KATNBL1: variants seen among roughly 807,000 people sequenced by gnomAD.
KATNBL1 encodes the protein katanin regulatory subunit B1 like 1.
Under a neutral mutation model 44.7 loss-of-function variants are expected in KATNBL1, and 28 were observed. The observed-to-expected ratio is 0.63, with a 90% CI of 0.46 to 0.86. KATNBL1 has a LOEUF of 0.86. Ranked by LOEUF, KATNBL1 falls within the 40% of genes least tolerant of loss-of-function variation. The pLI is 0.00. For missense variants in KATNBL1, 272 were observed against 350.7 expected (o/e 0.78, Z 1.79); for synonymous variants, 78 against 114.9 (o/e 0.68, Z 2.06).
At chr15:34,152,743 T>C (rs1286164199) in intron 4 of KATNBL1, 47 bp downstream of exon 4, 1 of 1,468,026 alleles carries the variant, frequency 6.8e-7, no homozygotes, top group Non-Finnish European at 9.3e-7. Flanking sequence ...ATCAAGATTA[T>C]AACAGGAACA....
rs1888130841 is a variant in KATNBL1, at chr15:34,140,701, C to G, written c.*1638G>C. The G allele has an allele frequency of 6.6e-6, 1 of 152,152 alleles. No individual in the cohort carries two copies. Among genetic ancestry groups the G allele is most frequent in the Non-Finnish European group, 1.5e-5 (1 of 67,988 alleles). The allele number at this position is 152,152 out of a possible 1,614,324, so 9.4% of individuals were successfully genotyped here. On this transcript the variant is annotated 3_prime_UTR_variant, in exon 10 of 10. Transcript: ENST00000256544. ...AGCACAAAGAAAGGTTATATTTTAT[C>G]ATGTTAAAAGTTTCACAGAGATAAC... is the stretch of plus-strand genomic sequence containing the variant.
intron 1 of KATNBL1, among the ~76,000 whole-genome samples, chr15:34,200,595 G>A (rs557458178): frequency 6.6e-6 from 1 of 152,060 alleles, no homozygotes; most frequent in South Asian, 2.1e-4. Flanking sequence ...TCCACAGTAA[G>A]CTGATTTGAG....
intron 4 of KATNBL1, among the ~76,000 whole-genome samples, chr15:34,149,533 C>T (rs1158176208): frequency 6.6e-6 from 1 of 152,016 alleles, no homozygotes; most frequent in African/African-American, 2.4e-5. Context: ...AAGTAATTCT[C>T]CTGCCTCACC....
chr15:34,156,114 G>A (rs1888629530), intron 2 of KATNBL1, among the ~76,000 whole-genome samples: 1 of 152,154 alleles, frequency 6.6e-6, no homozygotes, highest in Non-Finnish European at 1.5e-5. Context: ...ACATCTGCTC[G>A]GGGGTGTATA....
chr15:34,181,410 C>T (rs997387480), intron 1 of KATNBL1, among the ~76,000 whole-genome samples: 3 of 151,576 alleles, frequency 2.0e-5, no homozygotes, highest in East Asian at 3.9e-4. Flanking sequence ...CGAAGACATA[C>T]TCTCGTTTCT....
At chr15:34,187,427 C>T (rs1458566310) in intron 1 of KATNBL1, among the ~76,000 whole-genome samples, 1 of 152,206 alleles carries the variant, frequency 6.6e-6, no homozygotes, top group African/African-American at 2.4e-5. Context: ...AGGACAAGAA[C>T]TTGGGCAAAG....
intron 1 of KATNBL1, among the ~76,000 whole-genome samples, chr15:34,186,926 GC>G (rs1306288463): frequency 6.6e-6 from 1 of 152,234 alleles, no homozygotes; most frequent in Non-Finnish European, 1.5e-5. Flanking sequence ...GACTCGTGGT[GC>G]CTCTTCCGGG....
At chr15:34,171,198 C>T (rs531539624) in intron 1 of KATNBL1, among the ~76,000 whole-genome samples, 5 of 152,040 alleles carry the variant, frequency 3.3e-5, no homozygotes, top group African/African-American at 4.8e-5. Context: ...TGACAAAGGG[C>T]TAATATCCAA....
chr15:34,193,406 C>T (rs1447604928), intron 1 of KATNBL1, among the ~76,000 whole-genome samples: 1 of 151,508 alleles, frequency 6.6e-6, no homozygotes, highest in Non-Finnish European at 1.5e-5. Flanking sequence ...TGGTGGCATA[C>T]GTCTGTAATC....
At chr15:34,188,137 T>TAAAAAAAAAAAAAGAAAAAAAAAAAAAA (rs1889769714) in intron 1 of KATNBL1, among the ~76,000 whole-genome samples, 1 of 22,084 alleles carries the variant, frequency 4.5e-5, no homozygotes, top group Non-Finnish European at 8.3e-5. Flanking sequence ...AGACGCCATG[T>TAAAAAAAAAAAAAGAAAAAAAAAAAAAA]AAAAAAAAAA....
At position 34,147,306 on chromosome 15, in the gene KATNBL1, G is replaced by A. The variant is rs372407960; in HGVS notation, c.609-17C>T. On this transcript the variant is annotated splice_polypyrimidine_tract_variant and intron_variant, in intron 6 of 9. Coordinates refer to ENST00000256544, the MANE Select transcript of KATNBL1 (RefSeq NM_024713.3). ...TCCTGTAAACTAAAATAAATACCAA[G>A]TTATAAAAATATGGATGGGCCATAA... is the stretch of plus-strand genomic sequence containing the variant. 2 of 1,597,842 alleles carry A rather than the reference G, an allele frequency of 1.3e-6. No homozygotes were observed. Among genetic ancestry groups the A allele is most frequent in the South Asian group, 1.1e-5 (1 of 90,618 alleles).
chr15:34,152,226 G>A (rs1888502166), intron 4 of KATNBL1, among the ~76,000 whole-genome samples: 2 of 150,050 alleles, frequency 1.3e-5, no homozygotes, highest in South Asian at 4.2e-4. Context: ...TTTTTGAGAC[G>A]GAGTCGCTCT....
rs1288890626 is a variant in KATNBL1, at chr15:34,163,673, C to T, written c.4G>A (p.Ala2Thr). 1.3e-6 allele frequency: 2 copies of T among 1,560,526 alleles called. No individual in the cohort carries two copies. The highest frequency in any genetic ancestry group is 4.6e-5 in the East Asian group (2 of 43,848). M[A>T]SETHNVKKRN... is the part of the protein sequence containing the mutation. The stretch of plus-strand genomic sequence containing the variant: ...TTTTTAACATTGTGGGTTTCTGATG[C>T]CATAATCTCTTAAGTACCTAGACAA... The change falls in exon 2 of 10, where the codon GCA becomes ACA. Residue 2 changes from alanine (A) to threonine (T), a missense_variant. Transcript: ENST00000256544.
At chr15:34,180,827 C>T (rs1013981480) in intron 1 of KATNBL1, among the ~76,000 whole-genome samples, 8 of 152,092 alleles carry the variant, frequency 5.3e-5, no homozygotes, top group East Asian at 1.9e-4. Flanking sequence ...CTTTGGGAGG[C>T]TGAGGCGGGA....
At chr15:34,174,717 C>T (rs1241278583) in intron 1 of KATNBL1, among the ~76,000 whole-genome samples, 2 of 151,532 alleles carry the variant, frequency 1.3e-5, no homozygotes, top group Non-Finnish European at 2.9e-5. Flanking sequence ...GTGAGTGGTG[C>T]GATCTCAGCT....
intron 1 of KATNBL1, among the ~76,000 whole-genome samples, chr15:34,184,576 C>CTTTTCTTTCTT (rs760395860): frequency 1.0e-5 from 1 of 95,260 alleles, no homozygotes; most frequent in African/African-American, 3.9e-5. Context: ...CCTAATGTTT[C>CTTTTCTTTCTT]TTTTTTTTTT....
rs1394136257 is a variant in KATNBL1, at chr15:34,188,136, G to GCAAAAAAAAAAAAAAA, written c.-15+21814_-15+21815insTTTTTTTTTTTTTTTG. 2.0e-3 allele frequency among the ~76,000 whole-genome samples: 13 copies of GCAAAAAAAAAAAAAAA among 6,592 alleles called. 2 individuals are homozygous for GCAAAAAAAAAAAAAAA. The highest frequency in any genetic ancestry group is 3.1e-3 in the Non-Finnish European group (7 of 2,266). The allele number at this position is 6,592 out of a possible 152,430, so 4.3% of individuals were successfully genotyped here. ...CCTGGGTGACAGAGGAAGACGCCATGTAAAAAAAAAAAAAAAAAAAAAAAA... is the reference window on the plus strand; with the variant it reads ...CCTGGGTGACAGAGGAAGACGCCATGCAAAAAAAAAAAAAAATAAAAAAAAAAAAAAAAAAAAAAAA... On this transcript the variant is annotated intron_variant, in intron 1 of 9. Transcript: ENST00000256544.
At chr15:34,154,736 A>C in intron 2 of KATNBL1, 52 bp from the exon 3 acceptor site, 1 of 1,237,066 alleles carries the variant, frequency 8.1e-7, no homozygotes, top group Non-Finnish European at 1.2e-6. Flanking sequence ...TTGGTGCCGC[A>C]AAGAAGAATC....
Position 34,148,663 on chromosome 15 carries a change from TTC to T in KATNBL1, c.524_525del (p.Arg175LysfsTer4), listed in dbSNP as rs745428005. 1 of 1,604,162 alleles carries T rather than the reference TTC, an allele frequency of 6.2e-7. No individual in the cohort carries two copies. ...AAATAAGCTACAAGTTCACTTATAC[TTC>T]TCTTTCTCCAGAAAGTTAAAGCTAC... is the stretch of plus-strand genomic sequence containing the variant. ...LNVALTFWRK[R>X]SISELVAYLL... is the part of the protein sequence containing the mutation. On this transcript the variant is annotated frameshift_variant, in exon 5 of 10. Coordinates refer to ENST00000256544, the MANE Select transcript of KATNBL1 (RefSeq NM_024713.3). LOFTEE classifies it high-confidence loss of function.
Sources: gnomAD v4.1 joint callset for allele counts (sites outside exome capture counted in the v4.1 genomes callset) on GRCh38, gnomAD v4.1.1 for gene constraint, MANE v1.5 for transcripts, NCBI Gene and HGNC (gene_info 2026-07-23, HGNC 2026-07-21) for gene names.